LRP1B: variants seen among roughly 807,000 people sequenced by gnomAD.
LRP1B encodes the protein LDL receptor related protein 1B.
LRP1B carries 217 observed loss-of-function variants against 556.6 expected under a neutral mutation model. The observed-to-expected ratio is 0.39, with a 90% CI of 0.35 to 0.44. The LOEUF (loss-of-function observed/expected upper bound fraction) is 0.44. LRP1B is among the 20% of genes least tolerant of loss of function. The pLI is 1.00. For synonymous variants in LRP1B, 2,047 were observed against 1,865.8 expected (o/e 1.10, Z -2.50); for missense variants, 5,053 against 5,620.8 (o/e 0.90, Z 3.23).
chr2:140,723,240 G>T (rs1687477810), intron 35 of LRP1B, among the ~76,000 whole-genome samples: 1 of 152,020 alleles, frequency 6.6e-6, no homozygotes, highest in Non-Finnish European at 1.5e-5. Context: ...TAGTCCTTTG[G>T]TCTGAGAATC....
At chr2:140,675,604 C>T (rs904895511) in intron 41 of LRP1B, among the ~76,000 whole-genome samples, 1 of 151,676 alleles carries the variant, frequency 6.6e-6, no homozygotes, top group African/African-American at 2.4e-5. Flanking sequence ...GATTTTGCCT[C>T]TACAAAAGTT....
rs72983852 is a variant in LRP1B, at chr2:141,719,817, C to G, written c.205+90462G>C. Among the ~76,000 whole-genome samples the G allele has an allele frequency of 2.9e-3, 445 of 152,168 alleles. 3 individuals carry two copies. The highest frequency in any genetic ancestry group is 0.01 in the African/African-American group (422 of 41,538). ...CACTTATGCAAAGGATAACAATTTT[C>G]ACTTATGCAAAGAGGGTAACCATAG... is the stretch of plus-strand genomic sequence containing the variant. On this transcript the variant is annotated intron_variant, in intron 2 of 90. Transcript: ENST00000389484.
chr2:141,549,580 T>G (rs1287715506), intron 2 of LRP1B, among the ~76,000 whole-genome samples: 1 of 152,224 alleles, frequency 6.6e-6, no homozygotes, highest in East Asian at 1.9e-4. Context: ...TTATATGTTT[T>G]TATTCCCTTG....
intron 41 of LRP1B, among the ~76,000 whole-genome samples, chr2:140,658,732 T>A (rs568798094): frequency 1.3e-5 from 2 of 152,208 alleles, no homozygotes; most frequent in South Asian, 4.1e-4. Context: ...GGTGGAACCT[T>A]GACCCTTTGG....
chr2:141,642,928 A>C (rs1436921976), intron 2 of LRP1B, among the ~76,000 whole-genome samples: 1 of 152,138 alleles, frequency 6.6e-6, no homozygotes, highest in Non-Finnish European at 1.5e-5. Flanking sequence ...CAGTGAAAGC[A>C]CTGGTTGCCA....
chr2:140,590,990 A>G (rs1351756190), intron 43 of LRP1B, among the ~76,000 whole-genome samples: 3 of 152,206 alleles, frequency 2.0e-5, no homozygotes, highest in African/African-American at 4.8e-5. Flanking sequence ...CTTTACTTTT[A>G]TCACATTTCT....
At chr2:140,560,438 C>T (rs1364268029) in intron 43 of LRP1B, among the ~76,000 whole-genome samples, 2 of 152,058 alleles carry the variant, frequency 1.3e-5, no homozygotes, top group Admixed American at 6.6e-5. Flanking sequence ...TTTGGGGAAG[C>T]TTGGTCAAGG....
chr2:140,483,640 A>ATATATTT (rs1491228405), intron 59 of LRP1B, among the ~76,000 whole-genome samples: 4 of 70,748 alleles, frequency 5.7e-5, no homozygotes, highest in African/African-American at 2.5e-4. Context: ...ATATATATAT[A>ATATATTT]TTTTTTTTTT....
At chr2:141,129,381 A>C (rs1357942785) in intron 7 of LRP1B, among the ~76,000 whole-genome samples, 1 of 152,168 alleles carries the variant, frequency 6.6e-6, no homozygotes, top group Non-Finnish European at 1.5e-5. Flanking sequence ...ATAAACAGAT[A>C]TGTAAAAAAA....
chr2:140,550,970 G>C (rs904414239), intron 43 of LRP1B, among the ~76,000 whole-genome samples: 1 of 152,010 alleles, frequency 6.6e-6, no homozygotes, highest in African/African-American at 2.4e-5. Context: ...ATAAGTAGAG[G>C]AAGAGAAATG....
chr2:142,040,671 C>CA (rs542269909), intron 1 of LRP1B, among the ~76,000 whole-genome samples: 11 of 145,324 alleles, frequency 7.6e-5, no homozygotes, highest in Non-Finnish European at 1.5e-4. Flanking sequence ...GAAAGCAAGA[C>CA]AAAAAAAGTC....
chr2:140,887,819 A>T (rs191246456), intron 23 of LRP1B, among the ~76,000 whole-genome samples: 1 of 152,294 alleles, frequency 6.6e-6, no homozygotes, highest in African/African-American at 2.4e-5. Flanking sequence ...GCATGATTAC[A>T]TTTATATGAA....
At chr2:140,810,637 T>A (rs1408888837) in intron 32 of LRP1B, among the ~76,000 whole-genome samples, 3 of 152,198 alleles carry the variant, frequency 2.0e-5, no homozygotes, top group African/African-American at 7.2e-5. Flanking sequence ...ACTCTTCCCC[T>A]GATTCTCTTT....
chr2:140,259,846 G>A (rs141938927), intron 86 of LRP1B, among the ~76,000 whole-genome samples: 1 of 151,870 alleles, frequency 6.6e-6, no homozygotes, highest in South Asian at 2.1e-4. Flanking sequence ...CATACACAGA[G>A]GGAGAGGTCA....
intron 7 of LRP1B, among the ~76,000 whole-genome samples, chr2:141,067,387 T>C (rs1699506916): frequency 6.6e-6 from 1 of 152,044 alleles, no homozygotes; most frequent in Non-Finnish European, 1.5e-5. Context: ...AGTTATTTAT[T>C]GATCTTTACT....
At chr2:140,744,333 C>T (rs1224688113) in intron 35 of LRP1B, among the ~76,000 whole-genome samples, 3 of 152,120 alleles carry the variant, frequency 2.0e-5, no homozygotes, top group South Asian at 2.1e-4. Flanking sequence ...AATAAAAGCA[C>T]ATATAACAAA....
chr2:141,666,931 A>G (rs1480225139), intron 2 of LRP1B, among the ~76,000 whole-genome samples: 1 of 152,048 alleles, frequency 6.6e-6, no homozygotes, highest in Non-Finnish European at 1.5e-5. Context: ...GCTTGATGTC[A>G]TTTGAAGTTT....
At chr2:140,594,780 G>A (rs62171951) in intron 43 of LRP1B, among the ~76,000 whole-genome samples, 22,535 of 151,882 alleles carry the variant, frequency 0.15, 2,197 homozygotes, top group South Asian at 0.28. Context: ...CAAAATAAAT[G>A]TTCCCTTCTG....
intron 7 of LRP1B, among the ~76,000 whole-genome samples, chr2:141,144,663 A>G (rs73962829): frequency 0.01 from 1,534 of 152,276 alleles, 29 homozygotes; most frequent in African/African-American, 0.036. Flanking sequence ...TCAGCTTTCT[A>G]TGATGGAACA....
Sources: gnomAD v4.1 joint callset for allele counts (sites outside exome capture counted in the v4.1 genomes callset) on GRCh38, gnomAD v4.1.1 for gene constraint, MANE v1.5 for transcripts, NCBI Gene and HGNC (gene_info 2026-07-23, HGNC 2026-07-21) for gene names.